The following AGTPBP1 variants were observed in gnomAD, a reference collection of about 807,000 sequenced individuals.
AGTPBP1 encodes the protein ATP/GTP binding carboxypeptidase 1.
Under a neutral mutation model 143.9 loss-of-function variants are expected in AGTPBP1, and 70 were observed. That is an observed-to-expected ratio of 0.49 (90% CI 0.40 to 0.59). AGTPBP1 has a LOEUF of 0.59. Ranked by LOEUF, AGTPBP1 falls within the 20% of genes least tolerant of loss-of-function variation. The probability of loss-of-function intolerance (pLI) is 0.00; values close to 1 mark genes in which losing one functional copy is unlikely to be tolerated. For synonymous variants in AGTPBP1, 463 were observed against 500.2 expected, an observed-to-expected ratio of 0.93 and a Z score of 0.99; for missense variants, 1,229 against 1,464.5, an observed-to-expected ratio of 0.84 and a Z score of 2.62.
chr9:85,599,418 T>C (rs62566917), intron 17 of AGTPBP1, among the ~76,000 whole-genome samples: 2,477 of 152,282 alleles, frequency 0.016, 31 homozygotes, highest in Middle Eastern at 0.054. Context: ...TTTGGTGGCA[T>C]TGCTCCACAT....
In AGTPBP1 at chr9:85,588,349, T is replaced by A. The variant is rs773600934; in HGVS notation, c.2852A>T (p.Tyr951Phe). Residue 951 changes from tyrosine (Y) to phenylalanine (F), a missense_variant, in exon 21 of 26, where the codon TAT becomes TTT. Tyr to Phe is a conservative substitution (Grantham distance 22). This residue lies in a region of AGTPBP1 where 486 missense variants were observed against 652.3 expected (regional missense o/e 0.75). Coordinates refer to ENST00000357081, the MANE Select transcript of AGTPBP1 (RefSeq NM_001330701.2). ...TAACATAGGGACAATTTTAAAAATATAAGATTCTCGTAAGCTCTGAGCAGT... is the reference window on the plus strand; with the variant it reads ...TAACATAGGGACAATTTTAAAAATAAAAGATTCTCGTAAGCTCTGAGCAGT... ...NPTAQSLRES[Y>F]IFKIVPMLNP... 6.2e-7 allele frequency: 1 copy of A among 1,610,646 alleles called. No homozygotes were observed. Among genetic ancestry groups the A allele is most frequent in the East Asian group, 2.2e-5 (1 of 44,804 alleles).
chr9:85,655,005 A>C, intron 11 of AGTPBP1, 138 bp downstream of exon 11: 1 of 770,538 alleles, frequency 1.3e-6, no homozygotes, highest in South Asian at 2.7e-5. Flanking sequence ...GAAATGCTTA[A>C]CTAAAATAAA....
Position 85,642,951 on chromosome 9 carries a change from G to A in AGTPBP1, c.1186-8C>T. On this transcript the variant is annotated splice_region_variant and splice_polypyrimidine_tract_variant and intron_variant, in intron 12 of 25. Coordinates refer to ENST00000357081, the MANE Select transcript of AGTPBP1 (RefSeq NM_001330701.2). Reference sequence around the variant, plus strand: ...TGTTTCAATATCATCATTCTGAAATGATAAAAAGAGTATGTTATCAGGTAA... The same window carrying A: ...TGTTTCAATATCATCATTCTGAAATAATAAAAAGAGTATGTTATCAGGTAA... The A allele has an allele frequency of 1.9e-6, 3 of 1,593,276 alleles. No homozygotes were observed. Among genetic ancestry groups the A allele is most frequent in the Non-Finnish European group, 1.7e-6 (2 of 1,164,588 alleles).
intron 3 of AGTPBP1, among the ~76,000 whole-genome samples, chr9:85,691,450 G>A (rs562983080): frequency 1.3e-5 from 2 of 151,774 alleles, no homozygotes; most frequent in East Asian, 3.9e-4. Context: ...ATAATTATTA[G>A]ACCTTAATTC....
At chr9:85,563,576 G>C (rs891404650) in intron 25 of AGTPBP1, among the ~76,000 whole-genome samples, 2 of 152,186 alleles carry the variant, frequency 1.3e-5, no homozygotes, top group African/African-American at 4.8e-5. Flanking sequence ...ATTCACGAGA[G>C]AGGAAGCAGA....
At chr9:85,802,326 C>T in the AGTPBP1 span, among the ~76,000 whole-genome samples, 1 of 152,078 alleles carries the variant, frequency 6.6e-6, no homozygotes, top group Admixed American at 6.5e-5. Flanking sequence ...TCTACCACCA[C>T]CAACTCTGCC....
chr9:85,662,408 A>T (rs1833900559), intron 8 of AGTPBP1, among the ~76,000 whole-genome samples: 1 of 152,208 alleles, frequency 6.6e-6, no homozygotes, highest in South Asian at 2.1e-4. Flanking sequence ...TTTTGTATTA[A>T]ATTTTCATTG....
the AGTPBP1 span, among the ~76,000 whole-genome samples, chr9:85,782,620 C>T: frequency 6.6e-6 from 1 of 152,174 alleles, no homozygotes; most frequent in Non-Finnish European, 1.5e-5. Context: ...GGTCTGCTAA[C>T]TCCATTTTCA....
chr9:85,794,569 A>T, the AGTPBP1 span, among the ~76,000 whole-genome samples: 2 of 152,314 alleles, frequency 1.3e-5, no homozygotes, highest in South Asian at 4.1e-4. Context: ...GTAAATCTTG[A>T]AGTCGAAGTG....
the AGTPBP1 span, among the ~76,000 whole-genome samples, chr9:85,756,558 T>TAGATAGAC: frequency 6.6e-6 from 1 of 151,642 alleles, no homozygotes; most frequent in Non-Finnish European, 1.5e-5. Flanking sequence ...GATAGATAGA[T>TAGATAGAC]AGACAGAGAG....
At chr9:85,702,754 G>A (rs994667172) in intron 2 of AGTPBP1, among the ~76,000 whole-genome samples, 3 of 151,798 alleles carry the variant, frequency 2.0e-5, no homozygotes, top group African/African-American at 7.3e-5. Flanking sequence ...AAAGATGGGA[G>A]GTGAAGGAAG....
intron 1 of AGTPBP1, among the ~76,000 whole-genome samples, chr9:85,722,052 T>C (rs1244478651): frequency 1.3e-5 from 2 of 152,250 alleles, no homozygotes; most frequent in African/African-American, 4.8e-5. Context: ...GTTAGTCTGA[T>C]GGGCTTCCCT....
intron 13 of AGTPBP1, among the ~76,000 whole-genome samples, chr9:85,637,923 G>A (rs773312469): frequency 6.6e-6 from 1 of 152,158 alleles, no homozygotes; most frequent in African/African-American, 2.4e-5. Context: ...GCAAGTACAC[G>A]CCACTAAACG....
chr9:85,606,590 G>C (rs1262152866), intron 17 of AGTPBP1, among the ~76,000 whole-genome samples: 2 of 151,928 alleles, frequency 1.3e-5, no homozygotes, highest in Non-Finnish European at 2.9e-5. Flanking sequence ...ATACTGAAAG[G>C]ATACCTACAC....
chr9:85,777,813 A>T, the AGTPBP1 span, among the ~76,000 whole-genome samples: 2 of 152,318 alleles, frequency 1.3e-5, no homozygotes, highest in East Asian at 3.9e-4. Flanking sequence ...ATATAACCGC[A>T]TATCTGGCCA....
chr9:85,764,324 T>A, the AGTPBP1 span, among the ~76,000 whole-genome samples: 2 of 151,704 alleles, frequency 1.3e-5, no homozygotes, highest in Non-Finnish European at 2.9e-5. Flanking sequence ...AGGTCAGGAG[T>A]TCGAGACCAG....
chr9:85,715,976 A>G (rs1283062083), intron 1 of AGTPBP1, among the ~76,000 whole-genome samples: 1 of 152,174 alleles, frequency 6.6e-6, no homozygotes, highest in African/African-American at 2.4e-5. Context: ...TCTGTGTCTT[A>G]GGAAAAAAAC....
intron 25 of AGTPBP1, among the ~76,000 whole-genome samples, chr9:85,562,933 G>A (rs2132872415): frequency 6.6e-6 from 1 of 152,196 alleles, no homozygotes; most frequent in South Asian, 2.1e-4. Flanking sequence ...TCTTGAATGG[G>A]ATTAGTGCCC....
intron 13 of AGTPBP1, among the ~76,000 whole-genome samples, chr9:85,637,369 GTTATCAAC>G (rs1832138361): frequency 6.6e-6 from 1 of 152,002 alleles, no homozygotes; most frequent in Admixed American, 6.6e-5. Flanking sequence ...TGCACAAAAT[GTTATCAAC>G]TTTACTCATA....
Sources: allele counts gnomAD v4.1 joint callset (sites outside exome capture counted in the v4.1 genomes callset), GRCh38; gene constraint gnomAD v4.1.1; regional missense constraint gnomAD v4.1.1; transcripts MANE v1.5; gene names NCBI Gene and HGNC (gene_info 2026-07-23, HGNC 2026-07-21).